AKAP6: variants seen among roughly 807,000 people sequenced by gnomAD.
The protein encoded by AKAP6 is A-kinase anchor protein 6.
A neutral mutation model predicts 188.5 loss-of-function variants in AKAP6; 58 were observed. The ratio of observed to expected loss-of-function variants is 0.31; its 90% confidence interval spans 0.25 to 0.38. The LOEUF (loss-of-function observed/expected upper bound fraction) is 0.38, where lower values mean the gene tolerates loss of function less well. Among genes scored for constraint, AKAP6 ranks in the 10% least tolerant of loss-of-function variants. The pLI is 1.00. For missense variants in AKAP6, 2,710 were observed against 2,740.0 expected (o/e 0.99, Z 0.24); for synonymous variants, 989 against 998.6 (o/e 0.99, Z 0.18).
rs1350300301 is a variant in AKAP6 at position 32,600,630 on chromosome 14, A to T, written c.2568A>T (p.Gly856=). 3.7e-6 allele frequency: 6 copies of T among 1,610,978 alleles called. No homozygotes were observed. Among genetic ancestry groups the T allele is most frequent in the Non-Finnish European group, 4.2e-6 (5 of 1,178,488 alleles). ...TGCTTTCCCCTCCTTTTGGAGAAGG[A>T]CTGAAGGACATGCTGCGGATGATTG... The part of the protein sequence containing the change: ...LLELIASHKA[G]LKDMLRMIAS... The change falls in exon 7 of 14, where the codon GGA becomes GGT. Residue 856 remains glycine (G), a splice_region_variant and synonymous_variant. Coordinates refer to ENST00000280979, the MANE Select transcript of AKAP6 (RefSeq NM_004274.5).
intron 1 of AKAP6, among the ~76,000 whole-genome samples, chr14:32,333,227 A>G (rs1190336213): frequency 6.6e-6 from 1 of 152,142 alleles, no homozygotes; most frequent in Non-Finnish European, 1.5e-5. Context: ...GTTAGGTTCC[A>G]ATTAGGAAAT....
At chr14:32,366,069 A>G (rs75708628) in intron 1 of AKAP6, among the ~76,000 whole-genome samples, 3,683 of 152,172 alleles carry the variant, frequency 0.024, 59 homozygotes, top group Non-Finnish European at 0.037. Flanking sequence ...AAACAAACAT[A>G]TAAGCAAAAC....
chr14:32,401,394 A>AAGTTC (rs1889087894), intron 1 of AKAP6, among the ~76,000 whole-genome samples: 1 of 152,212 alleles, frequency 6.6e-6, no homozygotes, highest in Non-Finnish European at 1.5e-5. Flanking sequence ...GTGCCGAAGC[A>AAGTTC]AGTTCATTTC....
intron 1 of AKAP6, among the ~76,000 whole-genome samples, chr14:32,428,552 A>G (rs942055562): frequency 1.3e-5 from 2 of 152,166 alleles, no homozygotes; most frequent in Non-Finnish European, 2.9e-5. Context: ...CCGTTAGGGA[A>G]AAAACCATTT....
intron 1 of AKAP6, among the ~76,000 whole-genome samples, chr14:32,360,654 A>C (rs779712983): frequency 6.6e-6 from 1 of 151,718 alleles, no homozygotes; most frequent in South Asian, 2.1e-4. Flanking sequence ...TTATAATCCA[A>C]TACTATGGTT....
At chr14:32,507,065 T>C (rs1006267357) in intron 2 of AKAP6, among the ~76,000 whole-genome samples, 2 of 152,216 alleles carry the variant, frequency 1.3e-5, no homozygotes, top group African/African-American at 4.8e-5. Context: ...TTTTGTTTGT[T>C]GGCTGGCAAG....
chr14:32,624,957 A>G (rs1024905407), intron 7 of AKAP6, among the ~76,000 whole-genome samples: 5 of 152,170 alleles, frequency 3.3e-5, no homozygotes, highest in African/African-American at 1.2e-4. Context: ...TTTAAGTTGA[A>G]CAGATAATTC....
chr14:32,420,044 CTT>C (rs1889789039), intron 1 of AKAP6, among the ~76,000 whole-genome samples: 1 of 152,052 alleles, frequency 6.6e-6, no homozygotes, highest in Non-Finnish European at 1.5e-5. Context: ...TAAAGAAGTT[CTT>C]TCATTTTTTA....
chr14:32,673,195 C>T (rs910840497), intron 7 of AKAP6, among the ~76,000 whole-genome samples: 1 of 152,188 alleles, frequency 6.6e-6, no homozygotes, highest in African/African-American at 2.4e-5. Context: ...GCTCCAATGC[C>T]ACTTCTGTCA....
intron 2 of AKAP6, among the ~76,000 whole-genome samples, chr14:32,510,425 C>CATATATATGTGT (rs1881156063): frequency 9.7e-5 from 5 of 51,606 alleles, no homozygotes; most frequent in Admixed American, 4.4e-4. Flanking sequence ...TATATATATA[C>CATATATATGTGT]ATATATATAT....
At chr14:32,466,018 G>A (rs373803298) in intron 2 of AKAP6, among the ~76,000 whole-genome samples, 3 of 152,228 alleles carry the variant, frequency 2.0e-5, no homozygotes, top group South Asian at 4.1e-4. Flanking sequence ...AATCAAAACC[G>A]TAATGAGATA....
At chr14:32,616,753 TA>T (rs952596215) in intron 7 of AKAP6, among the ~76,000 whole-genome samples, 18 of 151,612 alleles carry the variant, frequency 1.2e-4, no homozygotes, top group Non-Finnish European at 2.4e-4. Context: ...TAAATAAAAC[TA>T]AAAAAAAATT....
At chr14:32,570,114 T>C (rs1306977293) in intron 4 of AKAP6, among the ~76,000 whole-genome samples, 1 of 145,798 alleles carries the variant, frequency 6.9e-6, no homozygotes, top group African/African-American at 2.5e-5. Flanking sequence ...ATATTGTGAC[T>C]GTGTGGGAAC....
chr14:32,499,429 C>T (rs1489721937), intron 2 of AKAP6, among the ~76,000 whole-genome samples: 1 of 151,500 alleles, frequency 6.6e-6, no homozygotes, highest in Non-Finnish European at 1.5e-5. Flanking sequence ...CTGTGCCCAG[C>T]CTGGGCTGTC....
intron 1 of AKAP6, among the ~76,000 whole-genome samples, chr14:32,351,876 C>T (rs1887285168): frequency 6.6e-6 from 1 of 152,052 alleles, no homozygotes; most frequent in African/African-American, 2.4e-5. Context: ...ATCTCAGATC[C>T]AAATAAATTA....
chr14:32,638,054 A>G (rs562413347), intron 7 of AKAP6, among the ~76,000 whole-genome samples: 17 of 152,196 alleles, frequency 1.1e-4, no homozygotes, highest in Non-Finnish European at 2.2e-4. Context: ...GGGTAAAGAA[A>G]CAGTGGCTTG....
chr14:32,823,012 T>C lies in AKAP6; in HGVS notation c.5199T>C (p.Asn1733=), dbSNP rs2034573756. 2.5e-6 allele frequency: 4 copies of C among 1,613,882 alleles called. No individual in the cohort carries two copies. The highest frequency in any genetic ancestry group is 2.5e-6 in the Non-Finnish European group (3 of 1,179,894). Residue 1733 remains asparagine, a synonymous_variant, in exon 13 of 14, where the codon AAT becomes AAC. Transcript: ENST00000280979. The part of the protein sequence containing the change: ...TRSVADESDV[N]VSMIVNVSCT... ...CAGTGGCTGATGAAAGCGATGTCAA[T>C]GTCAGCATGATTGTTAATGTCTCTT... is the stretch of plus-strand genomic sequence containing the variant.
chr14:32,786,296 A>ATGTTTTTTTTTGTTTT, intron 12 of AKAP6, among the ~76,000 whole-genome samples: 1 of 93,706 alleles, frequency 1.1e-5, no homozygotes, highest in Non-Finnish European at 2.1e-5. Context: ...CTAAACCTTT[A>ATGTTTTTTTTTGTTTT]TCTTTTTTTT....
intron 12 of AKAP6, among the ~76,000 whole-genome samples, chr14:32,817,784 A>G (rs2034424601): frequency 6.6e-6 from 1 of 152,140 alleles, no homozygotes; most frequent in African/African-American, 2.4e-5. Flanking sequence ...TCCTCTGGGA[A>G]AACAACAACA....
Sources: gnomAD v4.1 joint callset for allele counts (sites outside exome capture counted in the v4.1 genomes callset) on GRCh38, gnomAD v4.1.1 for gene constraint, MANE v1.5 for transcripts, NCBI Gene and HGNC (gene_info 2026-07-23, HGNC 2026-07-21) for gene names.